The following TRAPPC9 variants were observed in gnomAD, a reference collection of about 807,000 sequenced individuals.
The protein encoded by TRAPPC9 is IKK2 binding protein.
In TRAPPC9, 83 loss-of-function variants were observed where a neutral mutation model predicts 124.0. That is an observed-to-expected ratio of 0.67 (90% CI 0.56 to 0.80). The LOEUF (loss-of-function observed/expected upper bound fraction) is 0.80. Ranked by LOEUF, TRAPPC9 falls within the 30% of genes least tolerant of loss-of-function variation. The probability of loss-of-function intolerance (pLI) is 0.00; values close to 1 mark genes in which losing one functional copy is unlikely to be tolerated. For missense variants in TRAPPC9, 1,302 were observed against 1,508.3 expected, an observed-to-expected ratio of 0.86 and a Z score of 2.27; for synonymous variants, 638 against 617.5, an observed-to-expected ratio of 1.03 and a Z score of -0.49.
At chr8:140,139,170 G>A (rs2061346470) in intron 17 of TRAPPC9, among the ~76,000 whole-genome samples, 1 of 152,184 alleles carries the variant, frequency 6.6e-6, no homozygotes, top group Admixed American at 6.5e-5. Context: ...AGAAGGCTGA[G>A]GGGGACAGCA....
chr8:140,015,931 C>T (rs977267106), intron 18 of TRAPPC9, among the ~76,000 whole-genome samples: 7 of 152,230 alleles, frequency 4.6e-5, no homozygotes, highest in Non-Finnish European at 1.0e-4. Context: ...TGGGGCAAGG[C>T]GCTAGGTCCT....
At chr8:140,380,515 C>G (rs532544764) in intron 7 of TRAPPC9, among the ~76,000 whole-genome samples, 3 of 151,788 alleles carry the variant, frequency 2.0e-5, no homozygotes, top group African/African-American at 7.2e-5. Context: ...ATTAGCCAGG[C>G]CTTGTGGCAG....
At chr8:139,758,308 G>T (rs1477787588) in intron 21 of TRAPPC9, among the ~76,000 whole-genome samples, 1 of 152,226 alleles carries the variant, frequency 6.6e-6, no homozygotes, top group South Asian at 2.1e-4. Flanking sequence ...CTCACACTGA[G>T]CATGCCCACG....
chr8:140,339,477 C>T (rs1415994370), intron 9 of TRAPPC9, among the ~76,000 whole-genome samples: 1 of 152,088 alleles, frequency 6.6e-6, no homozygotes, highest in Non-Finnish European at 1.5e-5. Flanking sequence ...TTATTTAATC[C>T]AATTCCTACA....
rs894189907 is a variant in TRAPPC9 at position 139,730,862 on chromosome 8, G to A, written c.*199C>T. On this transcript the variant is annotated 3_prime_UTR_variant, in exon 23 of 23. Coordinates refer to ENST00000438773, the MANE Select transcript of TRAPPC9 (RefSeq NM_001160372.4). The stretch of plus-strand genomic sequence containing the variant: ...ACAGTGTAGGAAGGGGCGTGGCATG[G>A]GGTGGGGCTGCCATGTCCGGGGCTT... 50 of 619,882 alleles carry A rather than the reference G, an allele frequency of 8.1e-5. No individual in the cohort carries two copies. Among genetic ancestry groups the A allele is most frequent in the Middle Eastern group, 4.3e-4 (1 of 2,312 alleles). 38.4% of individuals were successfully genotyped at this position (619,882 alleles called of 1,614,324 possible).
chr8:140,123,476 T>C (rs993101149), intron 17 of TRAPPC9, among the ~76,000 whole-genome samples: 1 of 152,046 alleles, frequency 6.6e-6, no homozygotes, highest in African/African-American at 2.4e-5. Flanking sequence ...ACATCTGCTC[T>C]CCCTGCCCTG....
intron 17 of TRAPPC9, among the ~76,000 whole-genome samples, chr8:140,190,437 G>A (rs1342733678): frequency 2.0e-5 from 3 of 151,966 alleles, no homozygotes; most frequent in Admixed American, 6.6e-5. Flanking sequence ...CAACTTGGGC[G>A]ACAGAGCCAG....
chr8:140,103,762 C>G (rs34975799), intron 17 of TRAPPC9, among the ~76,000 whole-genome samples: 1 of 152,132 alleles, frequency 6.6e-6, no homozygotes, highest in Non-Finnish European at 1.5e-5. Context: ...GAGATACACA[C>G]GACTATTCTT....
rs368177033 is a variant in TRAPPC9, at chr8:139,938,436, C to G, written c.2811-28136G>C. Among the ~76,000 whole-genome samples, 183 of 151,784 alleles carry G rather than the reference C, an allele frequency of 1.2e-3. 3 individuals are homozygous for G. The highest frequency in any genetic ancestry group is 4.1e-3 in the African/African-American group (168 of 41,394). The stretch of plus-strand genomic sequence containing the variant: ...AGTAGCTGGGACTACAGGCGCCCAC[C>G]ACCATGCCCAGCTAATATTTTGTAT... On this transcript the variant is annotated intron_variant, in intron 19 of 22. Coordinates refer to ENST00000438773, the MANE Select transcript of TRAPPC9 (RefSeq NM_001160372.4).
chr8:139,764,778 C>T (rs1396284028), intron 21 of TRAPPC9, among the ~76,000 whole-genome samples: 1 of 152,122 alleles, frequency 6.6e-6, no homozygotes, highest in Non-Finnish European at 1.5e-5. Flanking sequence ...AGGAGGTGAC[C>T]CCTACCCCTG....
chr8:139,834,247 A>C (rs2130855603), intron 21 of TRAPPC9, among the ~76,000 whole-genome samples: 1 of 152,332 alleles, frequency 6.6e-6, no homozygotes, highest in South Asian at 2.1e-4. Context: ...CAAGAACGTC[A>C]GTCAAGGTTA....
chr8:140,018,987 C>A (rs1287669129), intron 18 of TRAPPC9, among the ~76,000 whole-genome samples: 1 of 152,138 alleles, frequency 6.6e-6, no homozygotes, highest in Non-Finnish European at 1.5e-5. Flanking sequence ...CTCTTCTAAT[C>A]CTAGTGTACT....
chr8:139,837,874 CAGTTCAGGCCAG>C (rs1339508657), intron 21 of TRAPPC9, among the ~76,000 whole-genome samples: 1 of 152,122 alleles, frequency 6.6e-6, no homozygotes, highest in East Asian at 1.9e-4. Flanking sequence ...GCTGGCATGG[CAGTTCAGGCCAG>C]CAGGAGCTCC....
At chr8:139,770,227 G>C (rs1820869892) in intron 21 of TRAPPC9, among the ~76,000 whole-genome samples, 1 of 152,248 alleles carries the variant, frequency 6.6e-6, no homozygotes. Flanking sequence ...GGTGACAATG[G>C]AGCCCAGACG....
chr8:140,297,300 G>A (rs187908068), intron 11 of TRAPPC9, among the ~76,000 whole-genome samples: 17 of 151,990 alleles, frequency 1.1e-4, no homozygotes, highest in Admixed American at 3.3e-4. Flanking sequence ...TTTTAAAAAC[G>A]CATACACACA....
intron 17 of TRAPPC9, among the ~76,000 whole-genome samples, chr8:140,067,272 T>C (rs547118890): frequency 1.3e-5 from 2 of 152,298 alleles, no homozygotes; most frequent in East Asian, 3.9e-4. Flanking sequence ...GCTTCCCAAG[T>C]AGCTGGGACT....
chr8:139,796,065 AAG>A (rs1179713218), intron 21 of TRAPPC9, among the ~76,000 whole-genome samples: 1 of 136,928 alleles, frequency 7.3e-6, no homozygotes, highest in Non-Finnish European at 1.5e-5. Context: ...GAAGAGGAAG[AAG>A]AGGAGGAGGA....
intron 17 of TRAPPC9, among the ~76,000 whole-genome samples, chr8:140,091,569 G>C (rs1844567418): frequency 6.6e-6 from 1 of 152,140 alleles, no homozygotes; most frequent in Non-Finnish European, 1.5e-5. Context: ...TGGAAACCAG[G>C]GGTTCTCTTT....
At chr8:139,981,262 T>C (rs1836872042) in intron 19 of TRAPPC9, among the ~76,000 whole-genome samples, 1 of 152,196 alleles carries the variant, frequency 6.6e-6, no homozygotes, top group Non-Finnish European at 1.5e-5. Flanking sequence ...CCAGGCTCTA[T>C]CAGGCCTCTG....
Sources: gnomAD v4.1 joint callset for allele counts (sites outside exome capture counted in the v4.1 genomes callset) on GRCh38, gnomAD v4.1.1 for gene constraint, MANE v1.5 for transcripts, NCBI Gene and HGNC (gene_info 2026-07-23, HGNC 2026-07-21) for gene names.